RBFOX1: variants seen among roughly 807,000 people sequenced by gnomAD.
RBFOX1 encodes the protein RNA binding fox-1 homolog 1.
In RBFOX1, 8 loss-of-function variants were observed where a neutral mutation model predicts 57.7. The observed-to-expected ratio is 0.14, with a 90% CI of 0.08 to 0.25. The LOEUF (loss-of-function observed/expected upper bound fraction) is 0.25. Among genes scored for constraint, RBFOX1 ranks in the 10% least tolerant of loss-of-function variants. The pLI is 1.00. For missense variants in RBFOX1, 611 were observed against 548.5 expected (o/e 1.11, Z -1.14); for synonymous variants, 326 against 222.4 (o/e 1.47, Z -4.15).
At chr16:7,449,548 T>G (rs890983564) in intron 4 of RBFOX1, among the ~76,000 whole-genome samples, 6 of 152,072 alleles carry the variant, frequency 3.9e-5, no homozygotes, top group Non-Finnish European at 7.4e-5. Flanking sequence ...AATTTTGCAT[T>G]GTTTGTTTAC....
chr16:6,224,878 G>T (rs1299370834), intron 1 of RBFOX1, among the ~76,000 whole-genome samples: 1 of 151,998 alleles, frequency 6.6e-6, no homozygotes, highest in Non-Finnish European at 1.5e-5. Context: ...AATTAGCTGG[G>T]TGTGGTGGTG....
chr16:7,174,147 G>C (rs1601846846), intron 4 of RBFOX1, among the ~76,000 whole-genome samples: 6 of 151,938 alleles, frequency 3.9e-5, no homozygotes, highest in Admixed American at 3.9e-4. Context: ...TCTGCATCTG[G>C]ATTATTTAAT....
At chr16:6,929,560 G>C (rs2076172028) in intron 3 of RBFOX1, among the ~76,000 whole-genome samples, 2 of 152,072 alleles carry the variant, frequency 1.3e-5, no homozygotes, top group South Asian at 2.1e-4. Flanking sequence ...GTAGCTGTGA[G>C]GGAAGAGGTC....
At chr16:5,329,374 G>C (rs2064680285) in intron 1 of RBFOX1, among the ~76,000 whole-genome samples, 1 of 152,120 alleles carries the variant, frequency 6.6e-6, no homozygotes, top group Non-Finnish European at 1.5e-5. Context: ...AGAGGAGAAA[G>C]GGGAAGGGAC....
At chr16:7,535,813 C>T (rs533756627) in intron 5 of RBFOX1, among the ~76,000 whole-genome samples, 2 of 152,298 alleles carry the variant, frequency 1.3e-5, no homozygotes, top group African/African-American at 4.8e-5. Context: ...TTTGAGGGTA[C>T]CACTGTGCCT....
intron 4 of RBFOX1, among the ~76,000 whole-genome samples, chr16:7,135,340 C>G (rs963863265): frequency 5.9e-5 from 9 of 152,172 alleles, no homozygotes; most frequent in Non-Finnish European, 1.2e-4. Flanking sequence ...TTTGTCAGCA[C>G]TTTGCAGAAA....
In RBFOX1 at chr16:7,676,786, G is replaced by A. The variant is rs560607770; in HGVS notation, c.943G>A (p.Ala315Thr). 1.9e-6 allele frequency: 3 copies of A among 1,612,984 alleles called. No homozygotes were observed. The highest frequency in any genetic ancestry group is 2.5e-6 in the Non-Finnish European group (3 of 1,179,314). ...CCTTGTGTTTTAGGGTGGTTATGCT[G>A]CATACCGCTACGCCCAGCCTACCCC... Reference protein sequence around the residue: ...YGADIYGGYAAYRYAQPTPAT... With the variant: ...YGADIYGGYATYRYAQPTPAT... The change falls in exon 14 of 16, where the codon GCA (alanine) becomes ACA (threonine). Residue 315 changes from alanine to threonine, a missense_variant. Ala to Thr is a moderately conservative substitution (Grantham distance 58). Transcript: ENST00000550418.
At chr16:6,231,696 G>A (rs1416329881) in intron 1 of RBFOX1, among the ~76,000 whole-genome samples, 1 of 152,226 alleles carries the variant, frequency 6.6e-6, no homozygotes, top group Non-Finnish European at 1.5e-5. Flanking sequence ...GATTAGGCAT[G>A]TCTGCCCTGG....
At chr16:6,987,719 G>T (rs767082135) in intron 3 of RBFOX1, among the ~76,000 whole-genome samples, 4 of 152,124 alleles carry the variant, frequency 2.6e-5, no homozygotes, top group Admixed American at 2.6e-4. Context: ...CCAAATACAT[G>T]ACCACAGTTT....
intron 4 of RBFOX1, among the ~76,000 whole-genome samples, chr16:7,369,062 C>T (rs1427889000): frequency 6.6e-6 from 1 of 151,760 alleles, no homozygotes. Context: ...TGGTAGAAGT[C>T]GTAATGAAGG....
chr16:7,207,804 A>G lies in RBFOX1; in HGVS notation c.27+155706A>G, dbSNP rs543768038. On this transcript the variant is annotated intron_variant, in intron 4 of 15. Transcript: ENST00000550418. ...GTAGCTTCTCCTAGAATGTGCAGCA[A>G]TAGAACGAGCAGGCCACCATCTATC... Among the ~76,000 whole-genome samples, 270 of 152,314 alleles carry G rather than the reference A, an allele frequency of 1.8e-3. 1 individual carries two copies. Among genetic ancestry groups the G allele is most frequent in the Middle Eastern group, 6.8e-3 (2 of 294 alleles).
intron 2 of RBFOX1, among the ~76,000 whole-genome samples, chr16:6,554,811 C>T (rs74005280): frequency 1.5e-5 from 2 of 130,702 alleles, no homozygotes; most frequent in African/African-American, 7.8e-5. Context: ...CAGATAAACA[C>T]ACAGACACAC....
rs189916667 is a variant in RBFOX1, at chr16:7,003,276, T to G, written c.-15-48781T>G. Among the ~76,000 whole-genome samples the G allele has an allele frequency of 4.2e-4, 64 of 151,874 alleles. 2 individuals are homozygous for G. Among genetic ancestry groups the G allele is most frequent in the Admixed American group, 3.6e-3 (55 of 15,258 alleles). On this transcript the variant is annotated intron_variant, in intron 3 of 15. Coordinates refer to ENST00000550418, the MANE Select transcript of RBFOX1 (RefSeq NM_018723.4). Reference sequence around the variant, plus strand: ...CAGATCAAGACCATCCTGGCCAACATGGTGAAACCCCCGTCTCTACTAAAA... The same window carrying G: ...CAGATCAAGACCATCCTGGCCAACAGGGTGAAACCCCCGTCTCTACTAAAA...
At position 5,426,080 on chromosome 16, in the gene RBFOX1, C is replaced by G. The variant is rs557109373; in HGVS notation, c.220-41136C>G. Reference sequence around the variant, plus strand: ...GAAACAAATGAAATCCTCTGAGTCTCCTTCCAAATCGATTTCACATTCAGG... The same window carrying G: ...GAAACAAATGAAATCCTCTGAGTCTGCTTCCAAATCGATTTCACATTCAGG... On this transcript the variant is annotated intron_variant, in intron 1 of 2. Transcript: ENST00000585867. Among the ~76,000 whole-genome samples, 45 of 152,286 alleles carry G rather than the reference C, an allele frequency of 3.0e-4. 1 individual carries two copies. Among genetic ancestry groups the G allele is most frequent in the African/African-American group, 1.1e-3 (45 of 41,568 alleles).
rs117039925 is a variant in RBFOX1, at chr16:5,264,382, G to A, written c.219+24277G>A. Among the ~76,000 whole-genome samples the A allele has an allele frequency of 6.3e-3, 955 of 152,286 alleles. 6 individuals carry two copies. The highest frequency in any genetic ancestry group is 7.6e-3 in the Non-Finnish European group (520 of 68,030). On this transcript the variant is annotated intron_variant, in intron 1 of 2. Coordinates refer to the RBFOX1 transcript ENST00000585867. The stretch of plus-strand genomic sequence containing the variant: ...GAGACTGTGCTCTGTTCTTGGGGCC[G>A]TTTTCATCACCTGATGAGAGCAGTG...
intron 3 of RBFOX1, among the ~76,000 whole-genome samples, chr16:6,991,829 C>T (rs77534796): frequency 2.6e-5 from 4 of 152,138 alleles, no homozygotes; most frequent in Admixed American, 6.5e-5. Context: ...TGTGACCCAC[C>T]AGGCCCAGCC....
chr16:7,646,693 G>A (rs1053663745), intron 11 of RBFOX1, among the ~76,000 whole-genome samples: 2 of 152,094 alleles, frequency 1.3e-5, no homozygotes, highest in African/African-American at 2.4e-5. Flanking sequence ...TGCAGAATCC[G>A]CCCCCCTGTC....
intron 4 of RBFOX1, among the ~76,000 whole-genome samples, chr16:7,267,814 C>G (rs2095208196): frequency 6.6e-6 from 1 of 152,158 alleles, no homozygotes; most frequent in African/African-American, 2.4e-5. Context: ...TGAGATTGTG[C>G]CACTGCACTC....
intron 4 of RBFOX1, among the ~76,000 whole-genome samples, chr16:7,378,226 A>G (rs547786316): frequency 6.6e-6 from 1 of 152,268 alleles, no homozygotes; most frequent in Non-Finnish European, 1.5e-5. Context: ...ATGAGTGTGT[A>G]CACAAACCAT....
Sources: gnomAD v4.1 joint callset for allele counts (sites outside exome capture counted in the v4.1 genomes callset) on GRCh38, gnomAD v4.1.1 for gene constraint, MANE v1.5 for transcripts, NCBI Gene and HGNC (gene_info 2026-07-23, HGNC 2026-07-21) for gene names.